SENP1: variants seen among roughly 807,000 people sequenced by gnomAD.
SENP1 encodes sentrin-specific protease 1.
In SENP1, 21 loss-of-function variants were observed where a neutral mutation model predicts 93.0. The ratio of observed to expected loss-of-function variants is 0.23; its 90% CI spans 0.16 to 0.33. The LOEUF (loss-of-function observed/expected upper bound fraction) is 0.33, where lower values mean the gene tolerates loss of function less well. Among genes scored for constraint, SENP1 ranks in the 10% least tolerant of loss-of-function variants. The pLI, the probability that SENP1 is intolerant of heterozygous loss-of-function variation, is 1.00. For missense variants in SENP1, 591 were observed against 758.7 expected (o/e 0.78, Z 2.60); for synonymous variants, 256 against 259.6 (o/e 0.99, Z 0.13).
chr12:48,083,369 T>C (rs1035333246), intron 6 of SENP1, among the ~76,000 whole-genome samples: 80 of 152,310 alleles, frequency 5.3e-4, no homozygotes, highest in African/African-American at 1.8e-3. Context: ...CCAGCAGGCA[T>C]AGAAGATATA....
At chr12:48,049,617 T>TG (rs1941642527) in intron 13 of SENP1, among the ~76,000 whole-genome samples, 1 of 152,224 alleles carries the variant, frequency 6.6e-6, no homozygotes, top group African/African-American at 2.4e-5. Context: ...GACAGCCACA[T>TG]GGTTTTACAC....
intron 5 of SENP1, chr12:48,085,155 T>C (rs1263082573): frequency 2.1e-6 from 3 of 1,426,508 alleles, no homozygotes; most frequent in Non-Finnish European, 3.0e-6. Context: ...TAACAAGAAC[T>C]GCCACCCCAA....
At position 48,065,212 on chromosome 12, in the gene SENP1, C is replaced by T. The variant is rs748654193; in HGVS notation, c.1128G>A (p.Gln376=). ...LALQLQNQRL[Q]EREHSVHDSV... Reference sequence around the variant, plus strand: ...AATCATGTACTGAATGTTCCCGCTCCTGCAATCTCTGAAAGATAAAACTTC... The same window carrying T: ...AATCATGTACTGAATGTTCCCGCTCTTGCAATCTCTGAAAGATAAAACTTC... The change falls in exon 12 of 18, where the codon CAG becomes CAA. Residue 376 remains glutamine (Q), a synonymous_variant. Coordinates refer to ENST00000549518, the MANE Select transcript of SENP1 (RefSeq NM_001267594.2). 2.5e-6 allele frequency: 4 copies of T among 1,590,952 alleles called. No individual in the cohort carries two copies. Among genetic ancestry groups the T allele is most frequent in the Non-Finnish European group, 3.4e-6 (4 of 1,167,418 alleles).
At chr12:48,077,085 G>C (rs1482019599) in intron 6 of SENP1, among the ~76,000 whole-genome samples, 1 of 152,132 alleles carries the variant, frequency 6.6e-6, no homozygotes, top group Non-Finnish European at 1.5e-5. Flanking sequence ...ATTTGGTTTT[G>C]TTTCTGCATC....
chr12:48,071,068 A>G (rs1278413511), intron 9 of SENP1, among the ~76,000 whole-genome samples: 4 of 152,218 alleles, frequency 2.6e-5, no homozygotes, highest in Admixed American at 2.0e-4. Flanking sequence ...TGGGTGACAG[A>G]GCAAGACCCT....
intron 15 of SENP1, 70 bp downstream of exon 15, chr12:48,047,931 G>A (rs1241815524): frequency 2.1e-6 from 2 of 949,234 alleles, no homozygotes; most frequent in Non-Finnish European, 3.4e-6. Context: ...TCAAACAACT[G>A]AGTTCAATTA....
chr12:48,089,733 T>G (rs1945103748), intron 4 of SENP1, among the ~76,000 whole-genome samples: 1 of 152,196 alleles, frequency 6.6e-6, no homozygotes, highest in Non-Finnish European at 1.5e-5. Context: ...ATTGGACAAT[T>G]TAAAACAGCT....
chr12:48,079,421 C>T (rs1166340284), intron 6 of SENP1, among the ~76,000 whole-genome samples: 3 of 151,770 alleles, frequency 2.0e-5, no homozygotes, highest in South Asian at 4.2e-4. Flanking sequence ...ATTGCTTGAA[C>T]CCGGGAGACG....
chr12:48,099,991 G>A (rs1274986893), intron 2 of SENP1, among the ~76,000 whole-genome samples: 4 of 152,086 alleles, frequency 2.6e-5, no homozygotes, highest in African/African-American at 9.7e-5. Context: ...AGAATTCAAC[G>A]ACTTACACTG....
intron 13 of SENP1, among the ~76,000 whole-genome samples, chr12:48,061,638 C>T (rs1942966438): frequency 6.6e-6 from 1 of 152,106 alleles, no homozygotes; most frequent in African/African-American, 2.4e-5. Context: ...GAACTCCTGG[C>T]CTCAGGTGAT....
chr12:48,085,482 C>A, intron 5 of SENP1: 2 of 592,768 alleles, frequency 3.4e-6, no homozygotes, highest in Non-Finnish European at 5.8e-6. Flanking sequence ...GGCCTCTCCC[C>A]AGGCTTGCCA....
At chr12:48,063,520 C>A (rs1943092782) in intron 13 of SENP1, 190 bp downstream of exon 13, 1 of 507,634 alleles carries the variant, frequency 2.0e-6, no homozygotes, top group Non-Finnish European at 3.4e-6. Flanking sequence ...TTAAAATACA[C>A]CTGAGATGTT....
At chr12:48,057,705 G>T (rs1408498715) in intron 13 of SENP1, among the ~76,000 whole-genome samples, 10 of 150,148 alleles carry the variant, frequency 6.7e-5, no homozygotes, top group Non-Finnish European at 1.5e-4. Flanking sequence ...CTGCTTCCTG[G>T]ATTCAAGTGA....
chr12:48,047,553 T>G (rs1216712887), intron 15 of SENP1, among the ~76,000 whole-genome samples: 2 of 152,182 alleles, frequency 1.3e-5, no homozygotes, highest in African/African-American at 2.4e-5. Context: ...TGTTCACCAT[T>G]GTGGAATGTA....
intron 4 of SENP1, 134 bp from the exon 5 acceptor site, chr12:48,089,094 G>A: frequency 6.4e-7 from 1 of 1,550,488 alleles, no homozygotes; most frequent in South Asian, 1.2e-5. Context: ...AAAGATCCCA[G>A]TCTCAACTGC....
At chr12:48,083,852 C>G (rs1944652788) in intron 5 of SENP1, 90 bp from the exon 6 acceptor site, 2 of 905,714 alleles carry the variant, frequency 2.2e-6, no homozygotes, top group Non-Finnish European at 3.3e-6. Context: ...AAATATAAAA[C>G]CAACCAAACA....
chr12:48,090,879 T>G (rs1009368671), intron 4 of SENP1, among the ~76,000 whole-genome samples: 1 of 152,138 alleles, frequency 6.6e-6, no homozygotes, highest in Non-Finnish European at 1.5e-5. Flanking sequence ...ACTGAGATAA[T>G]ACAAGTGAGC....
Position 48,063,589 on chromosome 12 carries a change from TGA to T in SENP1, c.1407+119_1407+120del, listed in dbSNP as rs574140168. ...ATAGTTACAAGAATGAAGAGGCCTA[TGA>T]GAGATGATTCCAATGCAGGTCATCC... is the stretch of plus-strand genomic sequence containing the variant. On this transcript the variant is annotated intron_variant, in intron 13 of 17. Transcript: ENST00000549518. 373 of 927,400 alleles carry T rather than the reference TGA, an allele frequency of 4.0e-4. 3 individuals carry two copies. The South Asian group carries it at 5.6e-3, about 14-fold the overall frequency. 57.4% of individuals were successfully genotyped at this position (927,400 alleles called of 1,614,324 possible). A position where few individuals can be genotyped will look rare whatever the true frequency, so the allele number is the denominator to read the frequency against.
chr12:48,070,365 A>G (rs1431947518), intron 9 of SENP1, among the ~76,000 whole-genome samples: 2 of 152,054 alleles, frequency 1.3e-5, no homozygotes, highest in Non-Finnish European at 2.9e-5. Flanking sequence ...TATCCTCCCA[A>G]TCCTACTCTA....
Sources: gnomAD v4.1 joint callset for allele counts (sites outside exome capture counted in the v4.1 genomes callset) on GRCh38, gnomAD v4.1.1 for gene constraint, MANE v1.5 for transcripts, NCBI Gene and HGNC (gene_info 2026-07-23, HGNC 2026-07-21) for gene names.